PLD1: variants seen among roughly 807,000 people sequenced by gnomAD.
The protein encoded by PLD1 is phospholipase D1, also known as choline phosphatase 1.
A neutral mutation model predicts 137.1 loss-of-function variants in PLD1; 112 were observed. The ratio of observed to expected loss-of-function variants is 0.82; its 90% CI spans 0.70 to 0.96. The LOEUF is 0.96. PLD1 is among the 40% of genes least tolerant of loss of function. The pLI, the probability that PLD1 is intolerant of heterozygous loss-of-function variation, is 0.00. For missense variants in PLD1, 1,321 were observed against 1,342.0 expected (o/e 0.98, Z 0.24); for synonymous variants, 431 against 454.7 (o/e 0.95, Z 0.66).
At chr3:171,603,939 G>A (rs1732007051) in intron 26 of PLD1, among the ~76,000 whole-genome samples, 1 of 151,994 alleles carries the variant, frequency 6.6e-6, no homozygotes, top group Non-Finnish European at 1.5e-5. Flanking sequence ...CCAAATCCAG[G>A]ACCCAAATAA....
intron 16 of PLD1, among the ~76,000 whole-genome samples, chr3:171,685,397 T>C (rs1714446531): frequency 6.6e-6 from 1 of 152,168 alleles, no homozygotes; most frequent in Non-Finnish European, 1.5e-5. Flanking sequence ...CCTTAGGTTC[T>C]AGCCAAAAAA....
chr3:171,777,711 T>C (rs1483890502), intron 1 of PLD1, among the ~76,000 whole-genome samples: 1 of 152,102 alleles, frequency 6.6e-6, no homozygotes, highest in African/African-American at 2.4e-5. Flanking sequence ...TCCTCGACAG[T>C]AAAGGAGTCA....
Position 171,612,362 on chromosome 3 carries a change from A to G in PLD1, c.2799T>C (p.Asp933=). 1 of 1,614,056 alleles carries G rather than the reference A, an allele frequency of 6.2e-7. No individual in the cohort carries two copies. Among genetic ancestry groups the G allele is most frequent in the Non-Finnish European group, 8.5e-7 (1 of 1,179,916 alleles). Residue 933 remains aspartate, a synonymous_variant, in exon 25 of 27, where the codon GAT becomes GAC. Coordinates refer to ENST00000351298, the MANE Select transcript of PLD1 (RefSeq NM_002662.5). The surrounding 1 kb of genome is among the most constrained non-coding windows in gnomAD (Gnocchi z 4.1). The part of the protein sequence containing the change: ...RDSEMAVIVQ[D]TETVPSVMDG... ...CCATTACTGAAGGAACAGTCTCTGT[A>G]TCTTGCACAATGACAGCCATTTCAC...
chr3:171,672,916 T>C (rs909454269), intron 19 of PLD1, among the ~76,000 whole-genome samples: 3 of 152,246 alleles, frequency 2.0e-5, no homozygotes, highest in Non-Finnish European at 2.9e-5. Flanking sequence ...AACAGTGAAG[T>C]GGAAAATATA....
intron 1 of PLD1, among the ~76,000 whole-genome samples, chr3:171,753,655 T>C (rs1319800596): frequency 6.6e-6 from 1 of 152,114 alleles, no homozygotes; most frequent in African/African-American, 2.4e-5. Flanking sequence ...ACCAAAACAT[T>C]GGAAGAAGAC....
At chr3:171,799,098 C>T (rs1356656953) in intron 1 of PLD1, among the ~76,000 whole-genome samples, 6 of 151,972 alleles carry the variant, frequency 3.9e-5, no homozygotes, top group African/African-American at 1.2e-4. Context: ...CCCAGCACTT[C>T]GGGAGGCCGA....
intron 11 of PLD1, among the ~76,000 whole-genome samples, chr3:171,700,315 A>AACACAC (rs573424146): frequency 7.9e-6 from 1 of 126,936 alleles, no homozygotes; most frequent in African/African-American, 2.8e-5. Flanking sequence ...CACACACACA[A>AACACAC]ACACACACAC....
chr3:171,746,657 C>T (rs1044244417), intron 1 of PLD1, among the ~76,000 whole-genome samples: 5 of 152,172 alleles, frequency 3.3e-5, no homozygotes, highest in Admixed American at 1.3e-4. Flanking sequence ...TTATGTCTAG[C>T]TAAAGGATTG....
chr3:171,622,693 A>G (rs1733740350), intron 23 of PLD1, among the ~76,000 whole-genome samples: 1 of 150,868 alleles, frequency 6.6e-6, no homozygotes, highest in Non-Finnish European at 1.5e-5. Context: ...TTTCAATACT[A>G]TTTAATATTG....
At chr3:171,787,849 G>GA (rs1033453791) in intron 1 of PLD1, among the ~76,000 whole-genome samples, 510 of 139,612 alleles carry the variant, frequency 3.7e-3, no homozygotes, top group Admixed American at 8.2e-3. Flanking sequence ...TTTTTTTTAA[G>GA]AAAAAAAAAA....
chr3:171,760,426 C>T (rs149201907), intron 1 of PLD1, among the ~76,000 whole-genome samples: 3 of 152,270 alleles, frequency 2.0e-5, no homozygotes, highest in East Asian at 1.9e-4. Flanking sequence ...CTTCAACCAC[C>T]GTGGTTCTAT....
At chr3:171,637,282 C>T (rs1198027215) in intron 23 of PLD1, among the ~76,000 whole-genome samples, 2 of 152,206 alleles carry the variant, frequency 1.3e-5, no homozygotes, top group Non-Finnish European at 2.9e-5. Flanking sequence ...TGTCACCAGG[C>T]TGGAGTGCAG....
chr3:171,808,856 G>A (rs1307468125), intron 1 of PLD1, among the ~76,000 whole-genome samples: 1 of 72,366 alleles, frequency 1.4e-5, no homozygotes, highest in Non-Finnish European at 2.5e-5. Flanking sequence ...ACAGATTCTT[G>A]CCCTGTCGCC....
At chr3:171,804,616 T>TCA (rs1723774858) in intron 1 of PLD1, among the ~76,000 whole-genome samples, 1 of 152,202 alleles carries the variant, frequency 6.6e-6, no homozygotes, top group Non-Finnish European at 1.5e-5. Flanking sequence ...GATTCTAATA[T>TCA]CACACTACAT....
intron 1 of PLD1, among the ~76,000 whole-genome samples, chr3:171,796,308 T>C (rs560153469): frequency 2.0e-4 from 30 of 152,352 alleles, no homozygotes; most frequent in South Asian, 1.7e-3. Context: ...TTACCTGCTG[T>C]ACTTGTTTAA....
At chr3:171,798,298 G>C (rs560191400) in intron 1 of PLD1, among the ~76,000 whole-genome samples, 1 of 152,266 alleles carries the variant, frequency 6.6e-6, no homozygotes, top group East Asian at 1.9e-4. Flanking sequence ...ACCTTTCTAG[G>C]CTGGGGCTAT....
At chr3:171,603,925 T>C (rs1732005872) in intron 26 of PLD1, among the ~76,000 whole-genome samples, 1 of 152,090 alleles carries the variant, frequency 6.6e-6, no homozygotes, top group African/African-American at 2.4e-5. Context: ...ATAGATGTTT[T>C]CCCCCAAATC....
intron 23 of PLD1, among the ~76,000 whole-genome samples, chr3:171,627,491 G>T (rs1254874671): frequency 1.3e-5 from 2 of 152,072 alleles, no homozygotes; most frequent in Non-Finnish European, 2.9e-5. Context: ...ATTGAACTCA[G>T]CTCTGCACCA....
intron 7 of PLD1, among the ~76,000 whole-genome samples, 183 bp downstream of exon 7, chr3:171,725,835 C>T (rs190008574): frequency 5.3e-5 from 8 of 152,268 alleles, no homozygotes; most frequent in East Asian, 1.9e-4. Flanking sequence ...CAGTTGCTAC[C>T]GTTGTTTATC....
Sources: gnomAD v4.1 joint callset for allele counts (sites outside exome capture counted in the v4.1 genomes callset) on GRCh38, gnomAD v4.1.1 for gene constraint, Gnocchi (gnomAD v3.1) non-coding constraint, MANE v1.5 for transcripts, NCBI Gene and HGNC (gene_info 2026-07-23, HGNC 2026-07-21) for gene names.